The following ZNF804A variants were observed in gnomAD, a reference collection of about 807,000 sequenced individuals.
The protein encoded by ZNF804A is zinc finger protein 804A.
Under a neutral mutation model 16.5 loss-of-function variants are expected in ZNF804A, and 2 were observed. That is an observed-to-expected ratio of 0.12 (90% CI 0.05 to 0.38). ZNF804A has a LOEUF of 0.38. Among genes scored for constraint, ZNF804A ranks in the 10% least tolerant of loss-of-function variants. The pLI is 0.99. For synonymous variants in ZNF804A, 534 were observed against 489.6 expected (o/e 1.09, Z -1.20); for missense variants, 1,473 against 1,390.7 (o/e 1.06, Z -0.94).
intron 1 of ZNF804A, among the ~76,000 whole-genome samples, chr2:184,849,175 A>G (rs1370497909): frequency 6.6e-6 from 1 of 152,036 alleles, no homozygotes; most frequent in Non-Finnish European, 1.5e-5. Context: ...CACCAGCCAC[A>G]GTGGTCAAGG....
intron 2 of ZNF804A, among the ~76,000 whole-genome samples, chr2:184,875,937 C>T (rs1345992153): frequency 6.6e-6 from 1 of 152,042 alleles, no homozygotes; most frequent in African/African-American, 2.4e-5. Flanking sequence ...CACACTGATG[C>T]TTTGAAGAGA....
chr2:184,851,479 C>T (rs1695601169), intron 1 of ZNF804A, among the ~76,000 whole-genome samples: 1 of 151,864 alleles, frequency 6.6e-6, no homozygotes, highest in Non-Finnish European at 1.5e-5. Context: ...GTAATGTCCT[C>T]CAGGTTTATT....
chr2:184,604,028 C>T (rs1691092783), intron 1 of ZNF804A, among the ~76,000 whole-genome samples: 1 of 151,056 alleles, frequency 6.6e-6, no homozygotes, highest in Admixed American at 6.6e-5. Flanking sequence ...TTACCACATA[C>T]TTTTGTTAAT....
intron 1 of ZNF804A, among the ~76,000 whole-genome samples, chr2:184,609,795 G>A (rs1013773842): frequency 6.6e-6 from 1 of 152,216 alleles, no homozygotes; most frequent in Non-Finnish European, 1.5e-5. Flanking sequence ...TTGGGAGTTA[G>A]GATTTCAGCA....
intron 1 of ZNF804A, among the ~76,000 whole-genome samples, chr2:184,720,110 GT>G (rs1211121747): frequency 5.3e-5 from 8 of 152,088 alleles, no homozygotes; most frequent in Non-Finnish European, 1.0e-4. Flanking sequence ...AAGAGAAGAC[GT>G]TTTGTGCAGG....
intron 2 of ZNF804A, among the ~76,000 whole-genome samples, chr2:184,894,576 C>T (rs1446883471): frequency 1.3e-5 from 2 of 151,862 alleles, no homozygotes; most frequent in Non-Finnish European, 2.9e-5. Context: ...TTATTAATTA[C>T]CCTTGATCTC....
intron 1 of ZNF804A, among the ~76,000 whole-genome samples, chr2:184,778,901 T>A (rs1261765102): frequency 1.3e-5 from 2 of 151,694 alleles, no homozygotes; most frequent in African/African-American, 4.8e-5. Context: ...CTTCAGGAAA[T>A]GAGTTAAATT....
intron 1 of ZNF804A, among the ~76,000 whole-genome samples, chr2:184,619,766 T>A (rs978039845): frequency 6.6e-6 from 1 of 151,920 alleles, no homozygotes; most frequent in East Asian, 1.9e-4. Flanking sequence ...CAATAAATTA[T>A]CGTTATTTAT....
intron 2 of ZNF804A, among the ~76,000 whole-genome samples, chr2:184,923,112 T>C (rs1395951875): frequency 6.6e-6 from 1 of 152,066 alleles, no homozygotes; most frequent in Non-Finnish European, 1.5e-5. Flanking sequence ...TTAATATGAA[T>C]TGCATTAAAT....
intron 1 of ZNF804A, among the ~76,000 whole-genome samples, chr2:184,701,395 G>C (rs1559129906): frequency 6.6e-6 from 1 of 151,908 alleles, no homozygotes; most frequent in African/African-American, 2.4e-5. Context: ...GTTTCTTTCA[G>C]TAATAAAACG....
rs751389469 is a variant in ZNF804A, at chr2:184,938,723, TGCTGCAGCTGCA to T, written c.3336_3347del (p.Ala1116_Ala1119del). The T allele has an allele frequency of 1.0e-5, 16 of 1,607,726 alleles. No homozygotes were observed. The highest frequency in any genetic ancestry group is 4.0e-5 in the African/African-American group (3 of 74,636). On this transcript the variant is annotated inframe_deletion, in exon 4 of 4. Coordinates refer to ENST00000302277, the MANE Select transcript of ZNF804A (RefSeq NM_194250.2). ...CTGTTTTGCAGCAGCACGCTGCAGCTGCTGCAGCTGCAGCTGCAGCCGCAGCTGCAGGAACCT... is the reference window on the plus strand; with the variant it reads ...CTGTTTTGCAGCAGCACGCTGCAGCTGCTGCAGCCGCAGCTGCAGGAACCT...
At chr2:184,856,494 C>T (rs1391676585) in intron 1 of ZNF804A, among the ~76,000 whole-genome samples, 4 of 151,808 alleles carry the variant, frequency 2.6e-5, no homozygotes, top group Non-Finnish European at 5.9e-5. Flanking sequence ...GCTTAGTTAC[C>T]CTGAACACAT....
At chr2:184,837,261 T>G (rs114587804) in intron 1 of ZNF804A, among the ~76,000 whole-genome samples, 78 of 152,172 alleles carry the variant, frequency 5.1e-4, no homozygotes, top group South Asian at 1.0e-3. Context: ...GAATCTGGTA[T>G]AGTGATTGGT....
intron 1 of ZNF804A, among the ~76,000 whole-genome samples, chr2:184,775,616 G>A (rs527816334): frequency 6.6e-6 from 1 of 151,748 alleles, no homozygotes; most frequent in Admixed American, 6.6e-5. Context: ...AGTTAGGACT[G>A]TTAGTAAACA....
chr2:184,756,746 G>A (rs1417581925), intron 1 of ZNF804A, among the ~76,000 whole-genome samples: 2 of 151,958 alleles, frequency 1.3e-5, no homozygotes, highest in Non-Finnish European at 2.9e-5. Flanking sequence ...ATAGGTGTAC[G>A]AGTGTGTATA....
chr2:184,697,537 T>C (rs1044733986), intron 1 of ZNF804A, among the ~76,000 whole-genome samples: 5 of 152,056 alleles, frequency 3.3e-5, no homozygotes, highest in African/African-American at 1.2e-4. Flanking sequence ...AATCAGATAA[T>C]AATATATTAA....
At chr2:184,801,732 CT>C (rs759706831) in intron 1 of ZNF804A, among the ~76,000 whole-genome samples, 7 of 152,200 alleles carry the variant, frequency 4.6e-5, no homozygotes, top group Non-Finnish European at 8.8e-5. Context: ...AACGTAACAG[CT>C]ATTTTAAATT....
At chr2:184,916,745 G>A (rs1327323494) in intron 2 of ZNF804A, among the ~76,000 whole-genome samples, 1 of 152,004 alleles carries the variant, frequency 6.6e-6, no homozygotes, top group Admixed American at 6.6e-5. Flanking sequence ...CTACTTGGGA[G>A]GCTGAGGCAG....
chr2:184,687,066 T>C (rs1413789216), intron 1 of ZNF804A, among the ~76,000 whole-genome samples: 1 of 152,214 alleles, frequency 6.6e-6, no homozygotes, highest in Non-Finnish European at 1.5e-5. Flanking sequence ...TTGCGGTTGC[T>C]TTGGGGATTT....
Sources: gnomAD v4.1 joint callset for allele counts (sites outside exome capture counted in the v4.1 genomes callset) on GRCh38, gnomAD v4.1.1 for gene constraint, MANE v1.5 for transcripts, NCBI Gene and HGNC (gene_info 2026-07-23, HGNC 2026-07-21) for gene names.